Variants in ZBTB20 observed in about 807,000 individuals in gnomAD.
The protein encoded by ZBTB20 is zinc finger and BTB domain containing 20.
A neutral mutation model predicts 56.9 loss-of-function variants in ZBTB20; 9 were observed. The observed-to-expected ratio is 0.16, with a 90% CI of 0.10 to 0.28. ZBTB20 has a LOEUF of 0.28. Among genes scored for constraint, ZBTB20 ranks in the 10% least tolerant of loss-of-function variants. The pLI is 1.00. For synonymous variants in ZBTB20, 417 were observed against 420.7 expected, an observed-to-expected ratio of 0.99 and a Z score of 0.11; for missense variants, 655 against 1,003.0, an observed-to-expected ratio of 0.65 and a Z score of 4.69.
At chr3:115,114,213 T>C (rs1242449783) in intron 1 of ZBTB20, among the ~76,000 whole-genome samples, 1 of 152,160 alleles carries the variant, frequency 6.6e-6, no homozygotes, top group Admixed American at 6.5e-5. Flanking sequence ...TGTGTCATTC[T>C]CTACGTCTTG....
intron 5 of ZBTB20, among the ~76,000 whole-genome samples, chr3:114,784,502 A>G (rs1184975791): frequency 6.6e-6 from 1 of 152,232 alleles, no homozygotes; most frequent in South Asian, 2.1e-4. Context: ...GTAGTCTTAA[A>G]TATAGTGAAA....
At chr3:114,757,465 C>T (rs2068088649) in intron 5 of ZBTB20, among the ~76,000 whole-genome samples, 1 of 152,018 alleles carries the variant, frequency 6.6e-6, no homozygotes, top group African/African-American at 2.4e-5. Context: ...TGAGTCCTTC[C>T]AATTTCTCAT....
At chr3:114,360,503 C>T (rs987238425) in intron 10 of ZBTB20, among the ~76,000 whole-genome samples, 3 of 150,826 alleles carry the variant, frequency 2.0e-5, no homozygotes, top group African/African-American at 7.4e-5. Context: ...CTACCAAACT[C>T]GGCTAATTTT....
At chr3:114,653,313 T>A (rs1010678239) in intron 6 of ZBTB20, among the ~76,000 whole-genome samples, 2 of 151,918 alleles carry the variant, frequency 1.3e-5, no homozygotes, top group Non-Finnish European at 2.9e-5. Flanking sequence ...TTCAATCTGT[T>A]CTAATTTTCT....
At chr3:115,038,919 T>A (rs566173795) in intron 2 of ZBTB20, among the ~76,000 whole-genome samples, 1 of 152,224 alleles carries the variant, frequency 6.6e-6, no homozygotes, top group South Asian at 2.1e-4. Flanking sequence ...TTTTTACCTT[T>A]TTATTATTAT....
intron 2 of ZBTB20, among the ~76,000 whole-genome samples, chr3:114,975,910 A>C (rs10222496): frequency 0.13 from 20,466 of 152,174 alleles, 2,032 homozygotes; most frequent in East Asian, 0.59. Flanking sequence ...CATTTTCTTG[A>C]ATAGTGCCTG....
chr3:114,931,674 C>T (rs2076366568), intron 3 of ZBTB20, among the ~76,000 whole-genome samples: 1 of 151,882 alleles, frequency 6.6e-6, no homozygotes, highest in African/African-American at 2.4e-5. Flanking sequence ...TTGGTAATAA[C>T]AAAGGTTTTT....
chr3:114,777,506 A>C (rs1367771462), intron 5 of ZBTB20, among the ~76,000 whole-genome samples: 1 of 152,146 alleles, frequency 6.6e-6, no homozygotes, highest in African/African-American at 2.4e-5. Flanking sequence ...GCTCATCATC[A>C]TGGGCCATCA....
chr3:115,069,076 T>C (rs1165363231), intron 2 of ZBTB20, among the ~76,000 whole-genome samples: 10 of 152,200 alleles, frequency 6.6e-5, no homozygotes, highest in Middle Eastern at 3.4e-3. Context: ...CACAAAAATA[T>C]GTGCCCCAGC....
At chr3:114,883,468 T>C (rs1161972456) in intron 4 of ZBTB20, among the ~76,000 whole-genome samples, 1 of 152,224 alleles carries the variant, frequency 6.6e-6, no homozygotes, top group Non-Finnish European at 1.5e-5. Context: ...TTGTTGAATC[T>C]AACCTTGATT....
At chr3:114,782,938 C>T (rs2070214073) in intron 5 of ZBTB20, among the ~76,000 whole-genome samples, 1 of 152,034 alleles carries the variant, frequency 6.6e-6, no homozygotes, top group Admixed American at 6.6e-5. Flanking sequence ...TGCATATATC[C>T]CTGTATGGCA....
intron 6 of ZBTB20, among the ~76,000 whole-genome samples, chr3:114,692,248 T>C (rs1464934517): frequency 2.6e-5 from 4 of 151,928 alleles, no homozygotes; most frequent in Non-Finnish European, 5.9e-5. Flanking sequence ...CTAATACGAG[T>C]TTCTTTTGGG....
chr3:114,982,284 A>T (rs2078361194), intron 2 of ZBTB20, among the ~76,000 whole-genome samples: 2 of 152,086 alleles, frequency 1.3e-5, no homozygotes, highest in South Asian at 4.1e-4. Context: ...ACCAGTCGAT[A>T]CAACTTTTAA....
At chr3:114,533,889 A>G (rs1338440094) in intron 6 of ZBTB20, among the ~76,000 whole-genome samples, 1 of 152,216 alleles carries the variant, frequency 6.6e-6, no homozygotes, top group Non-Finnish European at 1.5e-5. Flanking sequence ...AGCCAAACTA[A>G]GCTTCAAAAG....
chr3:114,584,007 G>T (rs1240548481), intron 6 of ZBTB20, among the ~76,000 whole-genome samples: 3 of 152,260 alleles, frequency 2.0e-5, no homozygotes, highest in African/African-American at 7.2e-5. Flanking sequence ...TTTCTAAAGT[G>T]AGTGTGATAT....
At chr3:114,456,472 T>A (rs1253571655) in intron 7 of ZBTB20, among the ~76,000 whole-genome samples, 1 of 152,104 alleles carries the variant, frequency 6.6e-6, no homozygotes, top group Non-Finnish European at 1.5e-5. Flanking sequence ...ATACACCTCG[T>A]TTCTAAAATA....
At position 114,911,638 on chromosome 3, in the gene ZBTB20, C is replaced by A. The variant is rs181107920; in HGVS notation, c.-455-11296G>T. On this transcript the variant is annotated intron_variant, in intron 3 of 11. Coordinates refer to ENST00000675478, the MANE Select transcript of ZBTB20 (RefSeq NM_001348800.3). ...GAAGACAGAAGTGAAAAATTCAATA[C>A]AGGGCTTCAACAGCAGACTCAATCA... Among the ~76,000 whole-genome samples, 425 of 151,770 alleles carry A rather than the reference C, an allele frequency of 2.8e-3. 3 individuals carry two copies. The highest frequency in any genetic ancestry group is 4.8e-3 in the Non-Finnish European group (324 of 67,906).
chr3:115,038,368 A>G (rs2081011707), intron 2 of ZBTB20, among the ~76,000 whole-genome samples: 2 of 152,206 alleles, frequency 1.3e-5, no homozygotes, highest in Non-Finnish European at 2.9e-5. Context: ...AGAACTCTAT[A>G]CAAGCACATA....
rs1222181486 is a variant in ZBTB20, at chr3:114,317,269, G to A, written c.*21736C>T. ...ATATTGCATGTGATACCATTCGTTTGTGTGTACCTAAAGTGTGTCAAATAC... is the reference window on the plus strand; with the variant it reads ...ATATTGCATGTGATACCATTCGTTTATGTGTACCTAAAGTGTGTCAAATAC... On this transcript the variant is annotated 3_prime_UTR_variant, in exon 12 of 12. Transcript: ENST00000675478. The A allele has an allele frequency of 6.6e-6, 1 of 152,230 alleles. No homozygotes were observed. Among genetic ancestry groups the A allele is most frequent in the Non-Finnish European group, 1.5e-5 (1 of 68,100 alleles). 9.4% of individuals were successfully genotyped at this position (152,230 alleles called of 1,614,324 possible).
Sources: allele counts gnomAD v4.1 joint callset (sites outside exome capture counted in the v4.1 genomes callset), GRCh38; gene constraint gnomAD v4.1.1; transcripts MANE v1.5; gene names NCBI Gene and HGNC (gene_info 2026-07-23, HGNC 2026-07-21).